Variants in CHD1L observed in about 807,000 individuals in gnomAD.
CHD1L encodes the protein ATP-dependent chromatin remodeler CHD1L.
In CHD1L, 118 loss-of-function variants were observed where a neutral mutation model predicts 115.9. That is an observed-to-expected ratio of 1.02 (90% CI 0.88 to 1.19). CHD1L has a LOEUF of 1.19. CHD1L is among the 50% of genes most tolerant of loss of function. The probability of loss-of-function intolerance (pLI) is 0.00; values close to 1 mark genes in which losing one functional copy is unlikely to be tolerated. For missense variants in CHD1L, 1,179 were observed against 1,065.3 expected (o/e 1.11, Z -1.49); for synonymous variants, 411 against 387.1 (o/e 1.06, Z -0.72).
chr1:147,263,604 TTGG>T (rs1363048443), intron 6 of CHD1L, among the ~76,000 whole-genome samples: 2 of 152,156 alleles, frequency 1.3e-5, no homozygotes, highest in East Asian at 3.9e-4. Flanking sequence ...TCTCTTACTC[TTGG>T]TGTTCTTCTC....
At chr1:147,236,020 G>A in the CHD1L span, among the ~76,000 whole-genome samples, 1 of 152,340 alleles carries the variant, frequency 6.6e-6, no homozygotes, top group Non-Finnish European at 1.5e-5. Flanking sequence ...ATGCAGAGCA[G>A]AGAGGGGTGT....
chr1:147,220,519 G>A, the CHD1L span, among the ~76,000 whole-genome samples: 4 of 152,158 alleles, frequency 2.6e-5, no homozygotes, highest in African/African-American at 9.7e-5. Context: ...GCTGTGCATA[G>A]TGACTTTGTT....
intron 20 of CHD1L, 78 bp from the exon 21 acceptor site, chr1:147,293,530 G>A: frequency 8.3e-7 from 1 of 1,203,610 alleles, no homozygotes; most frequent in Non-Finnish European, 1.2e-6. Context: ...CAAGGGCTGT[G>A]CCGCCTCCAT....
At chr1:147,266,636 T>A (rs981893713) in intron 8 of CHD1L, among the ~76,000 whole-genome samples, 16 of 152,360 alleles carry the variant, frequency 1.1e-4, no homozygotes, top group African/African-American at 3.4e-4. Flanking sequence ...GGTATCACAG[T>A]GCTTTTGTTC....
the CHD1L span, chr1:147,175,488 A>C: frequency 6.6e-6 from 1 of 152,138 alleles, no homozygotes; most frequent in African/African-American, 2.4e-5. Context: ...GGTTTCCCCC[A>C]TGCTGTTCTT....
chr1:147,197,754 CTTTA>C, the CHD1L span, among the ~76,000 whole-genome samples: 1 of 152,258 alleles, frequency 6.6e-6, no homozygotes, highest in Non-Finnish European at 1.5e-5. Context: ...TCAGGCAGTT[CTTTA>C]TAGCAGCATG....
intron 5 of CHD1L, chr1:147,259,547 A>C (rs782502634): frequency 4.0e-6 from 1 of 247,762 alleles, no homozygotes; most frequent in Non-Finnish European, 7.9e-6. Context: ...TGTCTGGCAC[A>C]AAGTAGGAGA....
At chr1:147,182,425 C>G in the CHD1L span, among the ~76,000 whole-genome samples, 6 of 152,312 alleles carry the variant, frequency 3.9e-5, no homozygotes, top group East Asian at 9.6e-4. Context: ...AGCTGAAGAA[C>G]TGTTATATCA....
chr1:147,249,475 A>G (rs1445953322), intron 1 of CHD1L, among the ~76,000 whole-genome samples: 1 of 130,324 alleles, frequency 7.7e-6, no homozygotes, highest in African/African-American at 3.0e-5. Flanking sequence ...GCGCTATCTC[A>G]GCTCACTGCA....
At chr1:147,226,223 C>A in the CHD1L span, among the ~76,000 whole-genome samples, 1 of 151,746 alleles carries the variant, frequency 6.6e-6, no homozygotes, top group African/African-American at 2.4e-5. Context: ...ATGATCCTGC[C>A]CCCACTTCCG....
At chr1:147,294,370 T>C in intron 21 of CHD1L, 39 bp from the exon 22 acceptor site, 2 of 1,471,892 alleles carry the variant, frequency 1.4e-6, no homozygotes, top group Non-Finnish European at 1.9e-6. Flanking sequence ...TCAATCAATT[T>C]TTGATGAGTG....
In CHD1L at chr1:147,255,899, G is replaced by A. The variant is rs782037968; in HGVS notation, c.434G>A (p.Arg145His). 26 of 1,613,524 alleles carry A rather than the reference G, an allele frequency of 1.6e-5. No individual in the cohort carries two copies. In the East Asian group the frequency reaches 3.6e-4, roughly 22 times the overall value. Reference sequence around the variant, plus strand: ...CAGCAAGACCTGAAACAGGAGTCACGTTTTCATGTGCTACTGACTACCTAT... The same window carrying A: ...CAGCAAGACCTGAAACAGGAGTCACATTTTCATGTGCTACTGACTACCTAT... ...CLQQDLKQES[R>H]FHVLLTTYEI... The change falls in exon 4 of 23, where the codon CGT becomes CAT. Residue 145 changes from arginine to histidine, a missense_variant. Physicochemically the swap from Arg to His is conservative, Grantham distance 29. Coordinates refer to ENST00000369258, the MANE Select transcript of CHD1L (RefSeq NM_004284.6).
chr1:147,293,612 C>A lies in CHD1L; in HGVS notation c.2396C>A (p.Ala799Asp). ...ESRNKGQDLL[A>D]LIVAQHRDRS... ...TCTAATGGTGGTTCTTTCCAGTTGG[C>A]CTTGATTGTGGCTCAGCATCGTGAT... is the stretch of plus-strand genomic sequence containing the variant. Residue 799 changes from alanine to aspartate, a missense_variant, in exon 21 of 23, where the codon GCC (alanine) becomes GAC (aspartate). Transcript: ENST00000369258. 2 of 1,613,726 alleles carry A rather than the reference C, an allele frequency of 1.2e-6. No individual in the cohort carries two copies. Among genetic ancestry groups the A allele is most frequent in the Non-Finnish European group, 1.7e-6 (2 of 1,179,834 alleles).
the CHD1L span, among the ~76,000 whole-genome samples, chr1:147,180,629 G>A: frequency 6.6e-6 from 1 of 152,146 alleles, no homozygotes; most frequent in Non-Finnish European, 1.5e-5. Context: ...AAAATTCTCA[G>A]AGAAAGGAAG....
At chr1:147,227,570 ACAATTTGCAAGTAAGT>A in the CHD1L span, among the ~76,000 whole-genome samples, 2 of 152,238 alleles carry the variant, frequency 1.3e-5, no homozygotes, top group South Asian at 4.1e-4. Context: ...TGCCTAGCTG[ACAATTTGCAAGTAAGT>A]CAATTTCTTC....
the CHD1L span, among the ~76,000 whole-genome samples, chr1:147,183,723 C>A: frequency 6.6e-6 from 1 of 152,024 alleles, no homozygotes; most frequent in Non-Finnish European, 1.5e-5. Context: ...GAGAATTTAT[C>A]AAGAGGAAAG....
intron 21 of CHD1L, among the ~76,000 whole-genome samples, chr1:147,294,113 G>T (rs1237200543): frequency 6.6e-6 from 1 of 152,168 alleles, no homozygotes; most frequent in Non-Finnish European, 1.5e-5. Flanking sequence ...TCGAAACCTA[G>T]TGTGTCTCAG....
intron 5 of CHD1L, among the ~76,000 whole-genome samples, chr1:147,258,376 T>C (rs1670799424): frequency 6.6e-6 from 1 of 152,240 alleles, no homozygotes; most frequent in Non-Finnish European, 1.5e-5. Flanking sequence ...AAGCATTTTT[T>C]GGACACCTAA....
At chr1:147,219,635 C>T in the CHD1L span, among the ~76,000 whole-genome samples, 10 of 147,510 alleles carry the variant, frequency 6.8e-5, no homozygotes, top group African/African-American at 1.3e-4. Context: ...TTAGCTAGTA[C>T]AATAATAGAA....
Sources: gnomAD v4.1 joint callset for allele counts (sites outside exome capture counted in the v4.1 genomes callset) on GRCh38, gnomAD v4.1.1 for gene constraint, MANE v1.5 for transcripts, NCBI Gene and HGNC (gene_info 2026-07-23, HGNC 2026-07-21) for gene names.